The following SLC19A3 variants were observed in gnomAD, a reference collection of about 807,000 sequenced individuals.
SLC19A3 encodes solute carrier family 19 member 3.
A neutral mutation model predicts 40.2 loss-of-function variants in SLC19A3; 31 were observed. The ratio of observed to expected loss-of-function variants is 0.77; its 90% CI spans 0.58 to 1.04. The LOEUF (loss-of-function observed/expected upper bound fraction) is 1.04. Among genes scored for constraint, SLC19A3 ranks in the 50% least tolerant of loss-of-function variants. SLC19A3 has a pLI of 0.00. For synonymous variants in SLC19A3, 212 were observed against 227.5 expected (o/e 0.93, Z 0.61); for missense variants, 592 against 596.7 (o/e 0.99, Z 0.08).
At chr2:227,706,320 A>G in intron 1 of SLC19A3, 5 of 1,231,696 alleles carry the variant, frequency 4.1e-6, no homozygotes, top group Non-Finnish European at 4.0e-6. Flanking sequence ...CATACCTGTG[A>G]AAGCCAGATG....
intron 2 of SLC19A3, chr2:227,700,939 T>C (rs1486390775): frequency 1.5e-6 from 2 of 1,302,164 alleles, no homozygotes; most frequent in Non-Finnish European, 2.0e-6. Context: ...CTGAGGTTGC[T>C]GGAGAAAGCA....
chr2:227,694,595 A>AT (rs1044414888), intron 4 of SLC19A3, among the ~76,000 whole-genome samples: 2 of 151,882 alleles, frequency 1.3e-5, no homozygotes, highest in Non-Finnish European at 2.9e-5. Flanking sequence ...AATGTTTCTC[A>AT]TTTTTTTTGG....
rs1287877180 is a variant in SLC19A3, at chr2:227,687,243, T to C, written c.*154A>G. 4.0e-6 allele frequency: 3 copies of C among 746,142 alleles called. No individual in the cohort carries two copies. The highest frequency in any genetic ancestry group is 3.9e-5 in the South Asian group (2 of 51,884). The allele number at this position is 746,142 out of a possible 1,614,324, so 46.2% of individuals were successfully genotyped here. A position where few individuals can be genotyped will look rare whatever the true frequency, so the allele number is the denominator to read the frequency against. ...AAATTGGTCACATAGAGAACTCATCTAAAACTGAGGTTTTGTTGTGGTTTT... is the reference window on the plus strand; with the variant it reads ...AAATTGGTCACATAGAGAACTCATCCAAAACTGAGGTTTTGTTGTGGTTTT... On this transcript the variant is annotated 3_prime_UTR_variant, in exon 6 of 6. Transcript: ENST00000644224.
At chr2:227,708,331 C>T (rs1462177823) in intron 1 of SLC19A3, among the ~76,000 whole-genome samples, 1 of 152,140 alleles carries the variant, frequency 6.6e-6, no homozygotes, top group Non-Finnish European at 1.5e-5. Flanking sequence ...CAACCTATTA[C>T]ACAGTTGTAG....
rs549786234 is a variant in SLC19A3 at position 227,694,300 on chromosome 2, C to T, written c.1172+1589G>A. 2.6e-5 allele frequency among the ~76,000 whole-genome samples: 4 copies of T among 152,196 alleles called. No individual in the cohort carries two copies. The South Asian group carries it at 8.3e-4, about 32-fold the overall frequency. Reference sequence around the variant, plus strand: ...GGGATTACAGGCGGGAGCCACTGTGCCCAGCCGTGAATATTTTTTTTTAAT... The same window carrying T: ...GGGATTACAGGCGGGAGCCACTGTGTCCAGCCGTGAATATTTTTTTTTAAT... On this transcript the variant is annotated intron_variant, in intron 4 of 5. Transcript: ENST00000644224.
At chr2:227,694,446 T>C (rs1695351222) in intron 4 of SLC19A3, among the ~76,000 whole-genome samples, 1 of 152,212 alleles carries the variant, frequency 6.6e-6, no homozygotes, top group African/African-American at 2.4e-5. Context: ...TACCAACTAA[T>C]TGTTTTTTCC....
chr2:227,714,324 T>C (rs1696253824), intron 1 of SLC19A3: 1 of 592,838 alleles, frequency 1.7e-6, no homozygotes, highest in African/African-American at 2.0e-5. Context: ...ATGAAAACAG[T>C]GCCCGTAACG....
In SLC19A3 at chr2:227,714,389, C is replaced by T. The variant is rs1696256182; in HGVS notation, c.-3+3554G>A. The T allele has an allele frequency of 3.1e-6, 3 of 978,094 alleles. No homozygotes were observed. The African/African-American group carries it at 5.3e-5, about 17-fold the overall frequency. 60.6% of individuals were successfully genotyped at this position (978,094 alleles called of 1,614,324 possible). ...AAGTCTGGCCACATATAACATTTTT[C>T]AGTTAATACAGATAGAATCTGAATC... On this transcript the variant is annotated intron_variant, in intron 1 of 5. Transcript: ENST00000644224.
intron 1 of SLC19A3, among the ~76,000 whole-genome samples, chr2:227,707,075 C>G (rs559603532): frequency 6.6e-6 from 1 of 152,212 alleles, no homozygotes; most frequent in Middle Eastern, 3.2e-3. Flanking sequence ...CCTGCTGCAC[C>G]TGCACGGCAG....
intron 1 of SLC19A3, among the ~76,000 whole-genome samples, chr2:227,713,967 GTC>G (rs925822478): frequency 2.7e-5 from 4 of 150,712 alleles, no homozygotes; most frequent in African/African-American, 7.3e-5. Context: ...CACAACTACG[GTC>G]ATCTTGGAGG....
chr2:227,705,374 G>C (rs890101869), intron 1 of SLC19A3, among the ~76,000 whole-genome samples: 1 of 150,956 alleles, frequency 6.6e-6, no homozygotes, highest in Non-Finnish European at 1.5e-5. Context: ...GCCAGGGCAG[G>C]ATGACTGCTT....
intron 2 of SLC19A3, among the ~76,000 whole-genome samples, chr2:227,700,120 G>A (rs139849325): frequency 0.011 from 1,638 of 151,970 alleles, 26 homozygotes; most frequent in Middle Eastern, 0.048. Context: ...TAGGTGATCC[G>A]CCCACCTCGG....
intron 3 of SLC19A3, among the ~76,000 whole-genome samples, chr2:227,698,095 C>T (rs1695512318): frequency 6.6e-6 from 1 of 152,086 alleles, no homozygotes; most frequent in Non-Finnish European, 1.5e-5. Context: ...AAAAAAGTTA[C>T]TTGTAACTAC....
At chr2:227,708,934 C>A (rs546234844) in intron 1 of SLC19A3, among the ~76,000 whole-genome samples, 12 of 152,076 alleles carry the variant, frequency 7.9e-5, no homozygotes, top group Non-Finnish European at 1.8e-4. Context: ...AGTCACTGTG[C>A]GGATTAAGAC....
At chr2:227,709,308 C>T (rs1186012283) in intron 1 of SLC19A3, among the ~76,000 whole-genome samples, 1 of 152,028 alleles carries the variant, frequency 6.6e-6, no homozygotes, top group Non-Finnish European at 1.5e-5. Flanking sequence ...ATTGGTGAAA[C>T]CCCGTCTCAA....
chr2:227,713,610 T>C (rs964026815), intron 1 of SLC19A3, among the ~76,000 whole-genome samples: 6 of 152,200 alleles, frequency 3.9e-5, no homozygotes, highest in Admixed American at 3.3e-4. Flanking sequence ...ATGTGATACC[T>C]GCGCCACCTT....
At chr2:227,695,144 C>A (rs1009359504) in intron 4 of SLC19A3, among the ~76,000 whole-genome samples, 1 of 152,098 alleles carries the variant, frequency 6.6e-6, no homozygotes, top group Non-Finnish European at 1.5e-5. Flanking sequence ...TTTTTAGTAT[C>A]CAACTTTTTA....
chr2:227,698,186 A>C (rs1236753073), intron 3 of SLC19A3, among the ~76,000 whole-genome samples: 2 of 151,608 alleles, frequency 1.3e-5, no homozygotes, highest in African/African-American at 2.4e-5. Context: ...TTTTGAGAGG[A>C]GTCTCGCTCT....
At chr2:227,714,206 G>A (rs1004101228) in intron 1 of SLC19A3, among the ~76,000 whole-genome samples, 1 of 152,068 alleles carries the variant, frequency 6.6e-6, no homozygotes, top group Non-Finnish European at 1.5e-5. Context: ...ACTTTTCTAG[G>A]GGTGCAATGA....
Sources: allele counts gnomAD v4.1 joint callset (sites outside exome capture counted in the v4.1 genomes callset), GRCh38; gene constraint gnomAD v4.1.1; transcripts MANE v1.5; gene names NCBI Gene and HGNC (gene_info 2026-07-23, HGNC 2026-07-21).